The following EYS variants were observed in gnomAD, a reference collection of about 807,000 sequenced individuals.
EYS encodes EGF-like photoreceptor maintenance factor.
EYS carries 250 observed loss-of-function variants against 282.1 expected under a neutral mutation model. The observed-to-expected ratio is 0.89, with a 90% confidence interval of 0.80 to 0.98. The LOEUF (loss-of-function observed/expected upper bound fraction) is 0.98. Ranked by LOEUF, EYS falls within the 50% of genes least tolerant of loss-of-function variation. The pLI is 0.00. For synonymous variants in EYS, 1,355 were observed against 1,282.9 expected (o/e 1.06, Z -1.20); for missense variants, 4,016 against 3,709.0 (o/e 1.08, Z -2.15).
intron 30 of EYS, among the ~76,000 whole-genome samples, chr6:64,238,829 T>C (rs1766696150): frequency 6.6e-6 from 1 of 152,166 alleles, no homozygotes; most frequent in Admixed American, 6.6e-5. Context: ...GGTATATACG[T>C]GCCATGGTGG....
At chr6:63,908,988 C>A (rs1773852104) in intron 35 of EYS, among the ~76,000 whole-genome samples, 1 of 151,350 alleles carries the variant, frequency 6.6e-6, no homozygotes, top group African/African-American at 2.4e-5. Context: ...TAAGGGGAAG[C>A]AGAATACAAG....
chr6:65,074,522 T>C (rs1231715395), intron 12 of EYS, among the ~76,000 whole-genome samples: 1 of 152,024 alleles, frequency 6.6e-6, no homozygotes, highest in Admixed American at 6.6e-5. Context: ...AAAAGCAATA[T>C]TGTTAAATCC....
At chr6:64,451,182 C>T (rs566074777) in intron 26 of EYS, among the ~76,000 whole-genome samples, 151 of 152,020 alleles carry the variant, frequency 9.9e-4, no homozygotes, top group Non-Finnish European at 2.0e-3. Flanking sequence ...GGGATATCAC[C>T]ACTGATCCCA....
chr6:64,008,845 A>G (rs1328814688), intron 33 of EYS, among the ~76,000 whole-genome samples: 2 of 152,208 alleles, frequency 1.3e-5, no homozygotes, highest in Non-Finnish European at 2.9e-5. Flanking sequence ...TGTTAGCCTG[A>G]TGGGGTTCCC....
At chr6:64,064,021 A>G (rs1435206892) in intron 33 of EYS, among the ~76,000 whole-genome samples, 2 of 152,114 alleles carry the variant, frequency 1.3e-5, no homozygotes, top group Non-Finnish European at 2.9e-5. Context: ...CCTGAAACTC[A>G]TAACCACTGC....
At chr6:64,853,964 T>G (rs9363277) in intron 19 of EYS, among the ~76,000 whole-genome samples, 22,518 of 150,788 alleles carry the variant, frequency 0.15, 1,914 homozygotes, top group East Asian at 0.42. Context: ...CTTCTCAAAA[T>G]AAGACATTTA....
chr6:64,983,221 T>G (rs1770739523), intron 14 of EYS, among the ~76,000 whole-genome samples: 1 of 151,192 alleles, frequency 6.6e-6, no homozygotes, highest in African/African-American at 2.4e-5. Flanking sequence ...GTCAACAGGA[T>G]TGCTACACTG....
At chr6:64,032,829 C>A (rs1415842928) in intron 33 of EYS, among the ~76,000 whole-genome samples, 1 of 152,198 alleles carries the variant, frequency 6.6e-6, no homozygotes, top group East Asian at 1.9e-4. Flanking sequence ...TCTAGCCATG[C>A]CACCCTTCTA....
intron 35 of EYS, among the ~76,000 whole-genome samples, chr6:63,880,455 CTCTG>C (rs967281939): frequency 4.7e-5 from 7 of 148,740 alleles, no homozygotes; most frequent in Non-Finnish European, 1.5e-5. Context: ...CCCATTATAT[CTCTG>C]TCTATCTGTC....
intron 5 of EYS, among the ~76,000 whole-genome samples, chr6:65,412,961 G>A (rs564269978): frequency 9.9e-5 from 15 of 152,196 alleles, no homozygotes; most frequent in Non-Finnish European, 1.9e-4. Context: ...TTTCTGAGGT[G>A]AAAGCATTTT....
intron 22 of EYS, among the ~76,000 whole-genome samples, chr6:64,655,113 C>A (rs940002214): frequency 2.0e-5 from 3 of 152,146 alleles, no homozygotes; most frequent in Admixed American, 2.0e-4. Context: ...TGCTCACCTG[C>A]AGCCCTCTTC....
chr6:65,105,990 A>G (rs950761152), intron 12 of EYS, among the ~76,000 whole-genome samples: 3 of 151,948 alleles, frequency 2.0e-5, no homozygotes, highest in African/African-American at 7.2e-5. Context: ...GAAGTTAGGA[A>G]TACCAACAAA....
At chr6:64,200,089 A>G (rs1352102895) in intron 31 of EYS, among the ~76,000 whole-genome samples, 1 of 152,170 alleles carries the variant, frequency 6.6e-6, no homozygotes, top group African/African-American at 2.4e-5. Context: ...AAGGCTATAA[A>G]CTATATAATC....
intron 26 of EYS, among the ~76,000 whole-genome samples, chr6:64,514,051 T>C (rs1388575175): frequency 6.6e-6 from 1 of 151,764 alleles, no homozygotes; most frequent in Admixed American, 6.6e-5. Context: ...TAATATATCC[T>C]TCATTGAATC....
intron 13 of EYS, among the ~76,000 whole-genome samples, chr6:65,026,864 C>A (rs1188609133): frequency 2.0e-5 from 3 of 150,634 alleles, no homozygotes; most frequent in Non-Finnish European, 3.0e-5. Context: ...TTGCAGTGAG[C>A]CAAGATCGTG....
intron 33 of EYS, among the ~76,000 whole-genome samples, chr6:64,048,293 C>T (rs1770694580): frequency 6.6e-6 from 1 of 152,138 alleles, no homozygotes; most frequent in South Asian, 2.1e-4. Context: ...ACACCCATTT[C>T]TGTGGTTTCT....
chr6:65,538,925 AAC>A (rs1387928460), intron 2 of EYS, among the ~76,000 whole-genome samples: 1 of 152,176 alleles, frequency 6.6e-6, no homozygotes, highest in African/African-American at 2.4e-5. Flanking sequence ...AGGGACTGAA[AAC>A]ACAATTTCTG....
chr6:65,006,884 C>A (rs916847712), intron 13 of EYS, among the ~76,000 whole-genome samples: 5 of 152,332 alleles, frequency 3.3e-5, no homozygotes, highest in Middle Eastern at 6.8e-3. Context: ...AAAAGACTAT[C>A]TCAATCCAGA....
intron 2 of EYS, among the ~76,000 whole-genome samples, chr6:65,577,215 A>G (rs1764701669): frequency 6.6e-6 from 1 of 151,922 alleles, no homozygotes; most frequent in South Asian, 2.1e-4. Context: ...TACTGGCAAA[A>G]CAAGCAAACA....
Sources: allele counts gnomAD v4.1 joint callset (sites outside exome capture counted in the v4.1 genomes callset), GRCh38; gene constraint gnomAD v4.1.1; transcripts MANE v1.5; gene names NCBI Gene and HGNC (gene_info 2026-07-23, HGNC 2026-07-21).